SIAH1: variants seen among roughly 807,000 people sequenced by gnomAD.
SIAH1 encodes the protein siah E3 ubiquitin protein ligase 1, also known as E3 ubiquitin-protein ligase SIAH1.
Under a neutral mutation model 20.0 loss-of-function variants are expected in SIAH1, and 2 were observed. That is an observed-to-expected ratio of 0.10 (90% CI 0.04 to 0.31). SIAH1 has a LOEUF of 0.31. SIAH1 is among the 10% of genes least tolerant of loss of function. The pLI is 1.00. For missense variants in SIAH1, 119 were observed against 355.3 expected (o/e 0.33, Z 5.35); for synonymous variants, 118 against 125.3 (o/e 0.94, Z 0.39).
intron 1 of SIAH1, among the ~76,000 whole-genome samples, chr16:48,370,821 A>C (rs1169465757): frequency 3.3e-5 from 5 of 151,152 alleles, no homozygotes; most frequent in Admixed American, 3.3e-4. Context: ...AAAAAAAAAC[A>C]AATTTCAAGG....
chr16:48,385,989 C>T (rs987853400), upstream of SIAH1, among the ~76,000 whole-genome samples: 1 of 152,176 alleles, frequency 6.6e-6, no homozygotes, highest in Non-Finnish European at 1.5e-5. Flanking sequence ...AACAGCGGGA[C>T]GAGCTTCAAA....
At chr16:48,371,299 A>G (rs1261025422) in intron 1 of SIAH1, among the ~76,000 whole-genome samples, 1 of 152,204 alleles carries the variant, frequency 6.6e-6, no homozygotes, top group Non-Finnish European at 1.5e-5. Flanking sequence ...GAGCACAGCC[A>G]GATGTTTTGT....
chr16:48,367,728 C>A (rs1180588968), intron 1 of SIAH1, among the ~76,000 whole-genome samples: 1 of 152,198 alleles, frequency 6.6e-6, no homozygotes, highest in African/African-American at 2.4e-5. Context: ...CAAGAATCAA[C>A]CACCATTTAA....
intron 1 of SIAH1, among the ~76,000 whole-genome samples, chr16:48,374,624 G>A (rs1961059107): frequency 6.6e-6 from 1 of 152,176 alleles, no homozygotes; most frequent in Non-Finnish European, 1.5e-5. Flanking sequence ...TATGCTAGAA[G>A]AGGGCAACTG....
intron 1 of SIAH1, chr16:48,365,570 T>TTCGCG: frequency 6.6e-7 from 1 of 1,517,306 alleles, no homozygotes; most frequent in South Asian, 1.2e-5. Flanking sequence ...AAGACCCAAA[T>TTCGCG]TCGCGTCTGA....
At chr16:48,370,785 G>A (rs1418251006) in intron 1 of SIAH1, among the ~76,000 whole-genome samples, 5 of 142,812 alleles carry the variant, frequency 3.5e-5, no homozygotes, top group South Asian at 2.2e-4. Context: ...CAGCCTGGGC[G>A]ACAGAGCAAG....
upstream of SIAH1, chr16:48,387,133 G>A (rs1328319027): frequency 2.0e-5 from 3 of 152,234 alleles, no homozygotes; most frequent in African/African-American, 7.2e-5. Context: ...CACCAGTCTT[G>A]AAGTGCTGGA....
intron 1 of SIAH1, among the ~76,000 whole-genome samples, chr16:48,373,392 T>G (rs1054354161): frequency 6.6e-6 from 1 of 152,236 alleles, no homozygotes; most frequent in African/African-American, 2.4e-5. Flanking sequence ...CTTCCTTTTT[T>G]CAATTAATAG....
At chr16:48,375,312 A>C (rs1336289417) in intron 1 of SIAH1, among the ~76,000 whole-genome samples, 1 of 152,222 alleles carries the variant, frequency 6.6e-6, no homozygotes, top group African/African-American at 2.4e-5. Flanking sequence ...CATCAGACTT[A>C]CTAACATGTA....
intron 1 of SIAH1, among the ~76,000 whole-genome samples, chr16:48,371,838 C>T (rs571512436): frequency 2.6e-5 from 4 of 152,192 alleles, no homozygotes; most frequent in Non-Finnish European, 5.9e-5. Flanking sequence ...TCTCAGGATA[C>T]AAAATTCTCA....
chr16:48,380,306 G>A (rs1961239107), intron 1 of SIAH1, among the ~76,000 whole-genome samples: 1 of 151,886 alleles, frequency 6.6e-6, no homozygotes, highest in African/African-American at 2.4e-5. Flanking sequence ...GAGCACGGTG[G>A]GCTCGTTCCT....
upstream of SIAH1, among the ~76,000 whole-genome samples, chr16:48,385,726 C>T (rs1013332491): frequency 8.5e-5 from 13 of 152,096 alleles, no homozygotes; most frequent in Non-Finnish European, 1.8e-4. Flanking sequence ...TCCCGCGGCG[C>T]TTTGTTCCGG....
intron 1 of SIAH1, among the ~76,000 whole-genome samples, chr16:48,371,789 A>T (rs1174812143): frequency 6.6e-6 from 1 of 152,246 alleles, no homozygotes; most frequent in Non-Finnish European, 1.5e-5. Flanking sequence ...TTACCTAGTT[A>T]TCTGAATACA....
At chr16:48,363,137 T>A (rs953743686) in intron 1 of SIAH1, 1 of 167,142 alleles carries the variant, frequency 6.0e-6, no homozygotes, top group East Asian at 1.9e-4. Flanking sequence ...AAGGGGGTCC[T>A]AGAACTAATC....
intron 1 of SIAH1, among the ~76,000 whole-genome samples, chr16:48,371,153 T>TG (rs1403363882): frequency 6.7e-6 from 1 of 149,434 alleles, no homozygotes; most frequent in Non-Finnish European, 1.5e-5. Context: ...AGCTGGCACA[T>TG]GCCTGTAGTC....
In SIAH1 at chr16:48,362,069, G is replaced by A; in HGVS notation, c.360C>T (p.Leu120=). 2 of 1,614,192 alleles carry A rather than the reference G, an allele frequency of 1.2e-6. No homozygotes were observed. The highest frequency in any genetic ancestry group is 1.7e-6 in the Non-Finnish European group (2 of 1,180,044). Reference sequence around the variant, plus strand: ...GACAGGAATAAGGCCTAAACTCACAGAGCTCTTCATGGTCTGCTTTTTCTG... The same window carrying A: ...GACAGGAATAAGGCCTAAACTCACAAAGCTCTTCATGGTCTGCTTTTTCTG... The part of the protein sequence containing the change: ...PHTEKADHEE[L]CEFRPYSCPC... The change falls in exon 2 of 2, where the codon CTC becomes CTT. Residue 120 remains leucine (L), a synonymous_variant. Coordinates refer to ENST00000394725, the MANE Select transcript of SIAH1 (RefSeq NM_003031.4). The surrounding 1 kb of genome is among the most constrained non-coding windows in gnomAD (Gnocchi z 4.2).
Position 48,380,544 on chromosome 16 carries a change from C to A in SIAH1, c.-3+4660G>T, listed in dbSNP as rs181567267. On this transcript the variant is annotated intron_variant, in intron 1 of 1. Transcript: ENST00000394725. ...CAAAAAGACCTTAACTAACTCCCCA[C>A]CAAAGAGATATACAGATAACAACTA... Among the ~76,000 whole-genome samples the A allele has an allele frequency of 5.3e-5, 8 of 152,134 alleles. No individual in the cohort carries two copies. In the East Asian group the frequency reaches 1.5e-3, roughly 29 times the overall value.
chr16:48,381,309 T>C (rs1448782543), intron 1 of SIAH1, among the ~76,000 whole-genome samples: 1 of 152,062 alleles, frequency 6.6e-6, no homozygotes, highest in Non-Finnish European at 1.5e-5. Context: ...TGTGCCACTG[T>C]ACTCCACCCC....
chr16:48,374,400 T>C (rs1224224469), intron 1 of SIAH1, among the ~76,000 whole-genome samples: 1 of 152,218 alleles, frequency 6.6e-6, no homozygotes, highest in Non-Finnish European at 1.5e-5. Context: ...AATTATGCCC[T>C]AGAATTCTAT....
Sources: allele counts gnomAD v4.1 joint callset (sites outside exome capture counted in the v4.1 genomes callset), GRCh38; gene constraint gnomAD v4.1.1; non-coding constraint Gnocchi (gnomAD v3.1); transcripts MANE v1.5; gene names NCBI Gene and HGNC (gene_info 2026-07-23, HGNC 2026-07-21).